ADCY10: variants seen among roughly 807,000 people sequenced by gnomAD.
ADCY10 encodes the protein adenylate cyclase 10.
ADCY10 carries 156 observed loss-of-function variants against 183.3 expected under a neutral mutation model. The ratio of observed to expected loss-of-function variants is 0.85; its 90% confidence interval spans 0.75 to 0.97. The LOEUF is 0.97. Ranked by LOEUF, ADCY10 falls within the 50% of genes least tolerant of loss-of-function variation. The probability of loss-of-function intolerance (pLI) is 0.00; values close to 1 mark genes in which losing one functional copy is unlikely to be tolerated. For missense variants in ADCY10, 1,745 were observed against 1,934.3 expected (o/e 0.90, Z 1.84); for synonymous variants, 645 against 670.0 (o/e 0.96, Z 0.58).
chr1:167,864,426 C>T (rs1666525148), intron 14 of ADCY10, among the ~76,000 whole-genome samples: 1 of 152,136 alleles, frequency 6.6e-6, no homozygotes, highest in Non-Finnish European at 1.5e-5. Flanking sequence ...CTAGACAGGT[C>T]CCTTGTTTCA....
chr1:167,885,396 T>C (rs1668151549), intron 8 of ADCY10, among the ~76,000 whole-genome samples: 1 of 152,236 alleles, frequency 6.6e-6, no homozygotes, highest in South Asian at 2.1e-4. Flanking sequence ...GCTAATTTAC[T>C]TTCTCATTAA....
At chr1:167,901,560 G>A in intron 5 of ADCY10, 102 bp downstream of exon 5, 3 of 1,224,620 alleles carry the variant, frequency 2.4e-6, no homozygotes, top group Middle Eastern at 2.2e-4. Flanking sequence ...TCATGGGGCT[G>A]AGCCACCATG....
chr1:167,875,292 A>T, intron 12 of ADCY10, 106 bp from the exon 13 acceptor site: 1 of 1,132,600 alleles, frequency 8.8e-7, no homozygotes. Context: ...TCAATTGCTA[A>T]CAAGAGTCTA....
At chr1:167,855,022 T>A (rs1665783645) in intron 17 of ADCY10, among the ~76,000 whole-genome samples, 1 of 152,124 alleles carries the variant, frequency 6.6e-6, no homozygotes, top group South Asian at 2.1e-4. Context: ...AGGTGACTGC[T>A]GTCAGGACGC....
chr1:167,893,487 C>T (rs953917460), intron 8 of ADCY10, among the ~76,000 whole-genome samples: 1 of 151,776 alleles, frequency 6.6e-6, no homozygotes, highest in Non-Finnish European at 1.5e-5. Context: ...GTGAGGCGGG[C>T]AGATTTCTTG....
At chr1:167,884,157 G>A (rs1013527894) in intron 8 of ADCY10, among the ~76,000 whole-genome samples, 3 of 152,032 alleles carry the variant, frequency 2.0e-5, no homozygotes, top group African/African-American at 4.8e-5. Context: ...GTATTAGTCC[G>A]TTCTCCCACT....
chr1:167,826,904 A>G (rs534731073), intron 26 of ADCY10, among the ~76,000 whole-genome samples: 11 of 152,344 alleles, frequency 7.2e-5, no homozygotes, highest in African/African-American at 2.6e-4. Flanking sequence ...AAGAGGACCA[A>G]TATGGCTGGG....
In ADCY10 at chr1:167,860,076, C is replaced by T. The variant is rs972041382; in HGVS notation, c.1810-183G>A. Among the ~76,000 whole-genome samples, 13 of 152,194 alleles carry T rather than the reference C, an allele frequency of 8.5e-5. 1 individual carries two copies. Among genetic ancestry groups the T allele is most frequent in the Non-Finnish European group, 7.4e-5 (5 of 68,006 alleles). On this transcript the variant is annotated intron_variant, in intron 15 of 32. Transcript: ENST00000367851. Reference sequence around the variant, plus strand: ...TGGAAAACAATTTTTTCATGAACTGCGGCAGAGGGGATGATTTTAGGATGA... The same window carrying T: ...TGGAAAACAATTTTTTCATGAACTGTGGCAGAGGGGATGATTTTAGGATGA...
chr1:167,827,579 G>A (rs1226791581), intron 26 of ADCY10, among the ~76,000 whole-genome samples: 1 of 151,900 alleles, frequency 6.6e-6, no homozygotes, highest in African/African-American at 2.4e-5. Context: ...CCAGTCAAAG[G>A]CTTCTTTGGT....
chr1:167,819,338 C>A (rs183435296), intron 30 of ADCY10, among the ~76,000 whole-genome samples: 35 of 149,776 alleles, frequency 2.3e-4, no homozygotes, highest in African/African-American at 7.8e-4. Context: ...GCAACCTCTG[C>A]TTCCCTGGTT....
chr1:167,813,199 G>A (rs1662326449), intron 31 of ADCY10, among the ~76,000 whole-genome samples: 1 of 152,064 alleles, frequency 6.6e-6, no homozygotes. Context: ...TACACACTGA[G>A]ACAAATATAA....
At chr1:167,840,367 A>AT (rs546653110) in intron 21 of ADCY10, among the ~76,000 whole-genome samples, 4 of 147,438 alleles carry the variant, frequency 2.7e-5, no homozygotes, top group African/African-American at 1.0e-4. Flanking sequence ...TATTATTACT[A>AT]TTTTTTTTGG....
At chr1:167,824,918 C>T in intron 26 of ADCY10, 63 bp from the exon 27 acceptor site, 1 of 1,433,796 alleles carries the variant, frequency 7.0e-7, no homozygotes, top group Non-Finnish European at 9.8e-7. Flanking sequence ...AGGAACATCA[C>T]TCAATGTCTG....
chr1:167,810,420 G>C (rs1356539653), intron 32 of ADCY10, among the ~76,000 whole-genome samples: 1 of 152,122 alleles, frequency 6.6e-6, no homozygotes, highest in Non-Finnish European at 1.5e-5. Context: ...AGGTCATGAG[G>C]GCTCTGCCCT....
In ADCY10 at chr1:167,818,225, G is replaced by A; in HGVS notation, c.4329C>T (p.Ser1443=). ...LQEWDNFYKF[S]NRAKNLLPRR... ...TTGGCAAAAGATTTTTAGCTCTATT[G>A]GAAAATTTGTAAAAGTTGTCCCATT... Residue 1443 remains serine, a synonymous_variant, in exon 31 of 33, where the codon TCC becomes TCT. Transcript: ENST00000367851. The A allele has an allele frequency of 6.2e-7, 1 of 1,614,116 alleles. No homozygotes were observed. Among genetic ancestry groups the A allele is most frequent in the Non-Finnish European group, 8.5e-7 (1 of 1,180,010 alleles).
intron 21 of ADCY10, among the ~76,000 whole-genome samples, chr1:167,841,601 G>A (rs903850860): frequency 5.0e-5 from 7 of 140,298 alleles, no homozygotes; most frequent in East Asian, 2.0e-4. Context: ...TCAAACTTTC[G>A]GGCTCAAGCA....
Position 167,883,507 on chromosome 1 carries a change from G to C in ADCY10, c.950C>G (p.Ala317Gly), listed in dbSNP as rs767375872. The change falls in exon 9 of 33, where the codon GCC (alanine) becomes GGC (glycine). Residue 317 changes from alanine (A) to glycine (G), a missense_variant. Physicochemically the swap from Ala to Gly is moderately conservative, Grantham distance 60 (BLOSUM62 0). Transcript: ENST00000367851. ...CAGGACAGAAGTGATGTGCATATAG[G>C]CATCCTGGATGGCTGGGCCTATCTC... is the stretch of plus-strand genomic sequence containing the variant. ...AEEIGPAIQD[A>G]YMHITSVLKI... 1.9e-6 allele frequency: 3 copies of C among 1,614,066 alleles called. No homozygotes were observed. The highest frequency in any genetic ancestry group is 1.1e-5 in the South Asian group (1 of 91,082).
Position 167,903,960 on chromosome 1 carries a change from A to G in ADCY10, c.180T>C (p.Ser60=). Residue 60 remains serine, a synonymous_variant, in exon 3 of 33, where the codon AGT becomes AGC. Coordinates refer to ENST00000367851, the MANE Select transcript of ADCY10 (RefSeq NM_018417.6). ...GFTAMTEKFS[S]AMYMDRGAEQ... ...CAGCCCCTCTGTCCATGTACATGGC[A>G]CTGCTGAACTTCTCAGTCATTGCAG... is the stretch of plus-strand genomic sequence containing the variant. The G allele has an allele frequency of 6.2e-7, 1 of 1,613,838 alleles. No individual in the cohort carries two copies. The highest frequency in any genetic ancestry group is 8.5e-7 in the Non-Finnish European group (1 of 1,179,782).
intron 16 of ADCY10, among the ~76,000 whole-genome samples, chr1:167,856,664 G>T (rs1453194484): frequency 6.6e-6 from 1 of 152,150 alleles, no homozygotes; most frequent in Non-Finnish European, 1.5e-5. Context: ...ACTCTTACTT[G>T]GTCAAAGCTT....
Sources: allele counts gnomAD v4.1 joint callset (sites outside exome capture counted in the v4.1 genomes callset), GRCh38; gene constraint gnomAD v4.1.1; transcripts MANE v1.5; gene names NCBI Gene and HGNC (gene_info 2026-07-23, HGNC 2026-07-21).